NAV1: variants seen among roughly 807,000 people sequenced by gnomAD.
NAV1 encodes neuron navigator 1, also known as pore membrane and/or filament interacting like protein 3.
In NAV1, 18 loss-of-function variants were observed where a neutral mutation model predicts 175.2. The ratio of observed to expected loss-of-function variants is 0.10; its 90% CI spans 0.07 to 0.15. The LOEUF (loss-of-function observed/expected upper bound fraction) is 0.15. NAV1 is among the 10% of genes least tolerant of loss of function. NAV1 has a pLI of 1.00. For synonymous variants in NAV1, 897 were observed against 978.7 expected, an observed-to-expected ratio of 0.92 and a Z score of 1.56; for missense variants, 1,731 against 2,436.6, an observed-to-expected ratio of 0.71 and a Z score of 6.10.
intron 1 of NAV1, among the ~76,000 whole-genome samples, chr1:201,577,491 T>A (rs1666723993): frequency 6.7e-6 from 1 of 149,778 alleles, no homozygotes; most frequent in Admixed American, 6.6e-5. Flanking sequence ...TTTTTTTTTT[T>A]TTTTTGGCTA....
At chr1:201,785,472 T>A in intron 8 of NAV1, 121 bp downstream of exon 12, 1 of 1,039,218 alleles carries the variant, frequency 9.6e-7, no homozygotes, top group Non-Finnish European at 1.5e-6. Flanking sequence ...GCTGAATCAT[T>A]TGTATGTGGT....
At chr1:201,712,990 G>A (rs1000423289) in intron 2 of NAV1, 71 bp downstream of exon 6, 190 of 1,215,742 alleles carry the variant, frequency 1.6e-4, no homozygotes, top group Admixed American at 7.3e-4. Context: ...GGAGGGCAGG[G>A]CCCCCGGGTC....
At chr1:201,628,175 G>C (rs560379761) in intron 1 of NAV1, among the ~76,000 whole-genome samples, 2 of 150,964 alleles carry the variant, frequency 1.3e-5, no homozygotes, top group Admixed American at 1.3e-4. Context: ...GTAGTACATG[G>C]CGATTGTCCC....
At chr1:201,811,065 C>T (rs1678664261) in intron 24 of NAV1, among the ~76,000 whole-genome samples, 1 of 152,172 alleles carries the variant, frequency 6.6e-6, no homozygotes, top group Admixed American at 6.5e-5. Flanking sequence ...CTCAGTTGGT[C>T]ATTGATGAAA....
At chr1:201,588,854 T>G (rs183568179) in intron 2 of NAV1, among the ~76,000 whole-genome samples, 132 of 151,996 alleles carry the variant, frequency 8.7e-4, no homozygotes, top group African/African-American at 3.1e-3. Flanking sequence ...TTGGATTTTT[T>G]TTTTCTTTTT....
chr1:201,611,305 G>T (rs902519031), intron 2 of NAV1, among the ~76,000 whole-genome samples: 5 of 152,330 alleles, frequency 3.3e-5, no homozygotes, highest in African/African-American at 9.6e-5. Flanking sequence ...GGGGAAGGAG[G>T]ATGGGCTCAA....
At chr1:201,642,247 C>G (rs1046213853) in intron 2 of NAV1, among the ~76,000 whole-genome samples, 1 of 145,514 alleles carries the variant, frequency 6.9e-6, no homozygotes. Context: ...GAGTCTTGGT[C>G]TGTCGCCCAG....
intron 1 of NAV1, among the ~76,000 whole-genome samples, chr1:201,543,158 T>C (rs1665563343): frequency 6.6e-6 from 1 of 152,264 alleles, no homozygotes; most frequent in Non-Finnish European, 1.5e-5. Flanking sequence ...ACTTTCAGTA[T>C]AATGTTGAGT....
At position 201,734,499 on chromosome 1, in the gene NAV1, G is replaced by GAAGAAGAAGAAGAAGA. The variant is rs1673016206; in HGVS notation, c.1226+15745_1226+15746insAGAAGAAGAAGAAGAA. Among the ~76,000 whole-genome samples, 462 of 121,010 alleles carry GAAGAAGAAGAAGAAGA rather than the reference G, an allele frequency of 3.8e-3. 19 individuals carry two copies. In the East Asian group the frequency reaches 0.039, roughly 10 times the overall value. The allele number at this position is 121,010 out of a possible 152,430, so 79.4% of individuals were successfully genotyped here. On this transcript the variant is annotated intron_variant, in intron 3 of 29. Coordinates refer to ENST00000367296, the Ensembl canonical transcript of NAV1. ...GAGGAGGAGGAGGAAGAAGGAGAAG[G>GAAGAAGAAGAAGAAGA]AGAAGAAGAAGAAGAAGAAGAAGAA...
chr1:201,820,397 C>T (rs1250165145), exon 30 of NAV1: 1 of 153,242 alleles, frequency 6.5e-6, no homozygotes, highest in Admixed American at 6.5e-5. Flanking sequence ...CCAATTCCAT[C>T]ACCACTGCCA....
At chr1:201,565,789 C>T (rs1480576545) in intron 1 of NAV1, among the ~76,000 whole-genome samples, 1 of 152,092 alleles carries the variant, frequency 6.6e-6, no homozygotes, top group Non-Finnish European at 1.5e-5. Context: ...AAGGTGGGAC[C>T]CCAGGCCACA....
intron 22 of NAV1, 56 bp downstream of exon 26, chr1:201,809,593 C>CT (rs1027093475): frequency 2.0e-6 from 3 of 1,522,342 alleles, no homozygotes; most frequent in African/African-American, 2.7e-5. Context: ...AATATATATA[C>CT]TTTTTTAGAG....
chr1:201,702,066 A>G (rs1436387953), intron 1 of NAV1, among the ~76,000 whole-genome samples: 1 of 152,266 alleles, frequency 6.6e-6, no homozygotes, highest in Non-Finnish European at 1.5e-5. Flanking sequence ...TGAAGTAGTG[A>G]TGCTTGCTAC....
chr1:201,592,999 C>T (rs1226648964), intron 2 of NAV1, among the ~76,000 whole-genome samples: 5 of 152,144 alleles, frequency 3.3e-5, no homozygotes, highest in Admixed American at 6.5e-5. Context: ...CCTCTGTGGA[C>T]GTTGTTCAGT....
rs184921338 is a variant in NAV1, at chr1:201,590,895, G to T, written c.-33+2246G>T. Among the ~76,000 whole-genome samples the T allele has an allele frequency of 2.4e-4, 36 of 152,318 alleles. 1 individual carries two copies. The East Asian group carries it at 3.1e-3, about 13-fold the overall frequency. On this transcript the variant is annotated intron_variant, in intron 2 of 33. Transcript: ENST00000685211. ...ACCAGCTTGTCGATGACTGAGGATC[G>T]CAGACAGTGAGATGTCTTTCTAATG...
At chr1:201,623,731 C>A in intron 1 of NAV1, 125 bp downstream of exon 3, 2 of 926,992 alleles carry the variant, frequency 2.2e-6, no homozygotes, top group Non-Finnish European at 2.6e-6. Context: ...CCAGGCGATA[C>A]AAAAAGAAGT....
intron 1 of NAV1, among the ~76,000 whole-genome samples, chr1:201,663,891 G>A (rs1483200130): frequency 6.6e-6 from 1 of 152,162 alleles, no homozygotes; most frequent in African/African-American, 2.4e-5. Context: ...CTGGGCCTGG[G>A]GCAGGGGGTG....
intron 1 of NAV1, among the ~76,000 whole-genome samples, chr1:201,676,399 G>C (rs1392653902): frequency 6.6e-6 from 1 of 152,210 alleles, no homozygotes; most frequent in Non-Finnish European, 1.5e-5. Context: ...AAATGCAGCT[G>C]CCCAGAAGTG....
At chr1:201,799,808 C>T (rs1040037416) in intron 15 of NAV1, among the ~76,000 whole-genome samples, 6 of 149,176 alleles carry the variant, frequency 4.0e-5, no homozygotes, top group Non-Finnish European at 7.4e-5. Flanking sequence ...TGCAGTGAGG[C>T]GAGATCGCGC....
Sources: gnomAD v4.1 joint callset for allele counts (sites outside exome capture counted in the v4.1 genomes callset) on GRCh38, gnomAD v4.1.1 for gene constraint, MANE v1.5 for transcripts, NCBI Gene and HGNC (gene_info 2026-07-23, HGNC 2026-07-21) for gene names.